CPEB1: variants seen among roughly 807,000 people sequenced by gnomAD.
The protein encoded by CPEB1 is cytoplasmic polyadenylation element-binding protein 1.
A neutral mutation model predicts 65.8 loss-of-function variants in CPEB1; 7 were observed. The ratio of observed to expected loss-of-function variants is 0.11; its 90% CI spans 0.06 to 0.20. The LOEUF is 0.20. CPEB1 is among the 10% of genes least tolerant of loss of function. CPEB1 has a pLI of 1.00. For missense variants in CPEB1, 551 were observed against 712.2 expected, an observed-to-expected ratio of 0.77 and a Z score of 2.58; for synonymous variants, 262 against 260.0, an observed-to-expected ratio of 1.01 and a Z score of -0.08.
At chr15:82,586,477 T>G (rs1328697799) in intron 3 of CPEB1, among the ~76,000 whole-genome samples, 2 of 152,236 alleles carry the variant, frequency 1.3e-5, no homozygotes, top group Non-Finnish European at 2.9e-5. Context: ...GCCTCTAGTT[T>G]TAAATGTTAT....
chr15:82,624,687 C>G (rs1029555775), intron 3 of CPEB1, among the ~76,000 whole-genome samples: 4 of 152,168 alleles, frequency 2.6e-5, no homozygotes, highest in African/African-American at 9.7e-5. Flanking sequence ...CTGGAAAGCT[C>G]CTCTCCCATC....
chr15:82,552,237 G>A (rs2036385469), intron 9 of CPEB1, among the ~76,000 whole-genome samples: 1 of 151,344 alleles, frequency 6.6e-6, no homozygotes, highest in African/African-American at 2.4e-5. Context: ...CAGACAGTTT[G>A]ATTACCATGG....
At chr15:82,557,587 G>T in intron 5 of CPEB1, 173 bp downstream of exon 5, 1 of 607,014 alleles carries the variant, frequency 1.6e-6, no homozygotes, top group Non-Finnish European at 2.9e-6. Flanking sequence ...CCTCTATCCT[G>T]TTAAGGATGA....
chr15:82,600,651 C>T (rs901160384), intron 3 of CPEB1, among the ~76,000 whole-genome samples: 5 of 152,042 alleles, frequency 3.3e-5, no homozygotes, highest in East Asian at 1.9e-4. Context: ...ATTTCTTAGA[C>T]GCTAGTAAGT....
chr15:82,640,343 C>T (rs1324026706), intron 1 of CPEB1, among the ~76,000 whole-genome samples: 1 of 152,014 alleles, frequency 6.6e-6, no homozygotes, highest in African/African-American at 2.4e-5. Flanking sequence ...CTTGTGCATG[C>T]CTTTTTATAC....
At chr15:82,557,718 C>A in intron 5 of CPEB1, 42 bp downstream of exon 5, 1 of 1,562,504 alleles carries the variant, frequency 6.4e-7, no homozygotes, top group Non-Finnish European at 8.8e-7. Context: ...CACACACAGG[C>A]AACTCCACCC....
At chr15:82,613,757 G>A (rs1395210791) in intron 3 of CPEB1, among the ~76,000 whole-genome samples, 1 of 152,156 alleles carries the variant, frequency 6.6e-6, no homozygotes, top group East Asian at 1.9e-4. Flanking sequence ...AAGGAGAAAT[G>A]CTAAGAAGTT....
chr15:82,552,496 C>T lies in CPEB1; in HGVS notation c.1265G>A (p.Arg422Lys). 1 of 1,589,332 alleles carries T rather than the reference C, an allele frequency of 6.3e-7. No homozygotes were observed. The highest frequency in any genetic ancestry group is 2.3e-5 in the East Asian group (1 of 44,124). Residue 422 changes from arginine to lysine, a missense_variant, in exon 9 of 13, where the codon AGG (arginine) becomes AAG (lysine). Arg to Lys is a conservative substitution (Grantham distance 26). This residue lies in a region of CPEB1 where 99 missense variants were observed against 161.3 expected (regional missense o/e 0.61). Transcript: ENST00000684509. Reference sequence around the variant, plus strand: ...CTAACTCACCTCCTTGCAGCGCATCCTTCGGCTGGACATCTTGAAATAATA... The same window carrying T: ...CTAACTCACCTCCTTGCAGCGCATCTTTCGGCTGGACATCTTGAAATAATA... ...SEYYFKMSSR[R>K]MRCKEVQVIP...
At chr15:82,642,129 A>C (rs1291843353) in intron 1 of CPEB1, among the ~76,000 whole-genome samples, 3 of 152,238 alleles carry the variant, frequency 2.0e-5, no homozygotes, top group Non-Finnish European at 4.4e-5. Flanking sequence ...TCAACATAAA[A>C]ACTTTCTACG....
intron 3 of CPEB1, among the ~76,000 whole-genome samples, chr15:82,610,958 CAAAAAAAAAAAAAAAAAA>C (rs60065545): frequency 2.0e-4 from 6 of 30,018 alleles, no homozygotes; most frequent in South Asian, 2.4e-3. Context: ...ACTCCAGTCT[CAAAAAAAAAAAAAAAAAA>C]AAAAAAAAAA....
At chr15:82,563,922 C>G (rs1006249255) in intron 4 of CPEB1, among the ~76,000 whole-genome samples, 44 of 152,036 alleles carry the variant, frequency 2.9e-4, no homozygotes, top group African/African-American at 9.6e-4. Context: ...AGAGGGAAAT[C>G]AAGCACAAGT....
chr15:82,610,958 C>CAAAAAAAAAAAAA lies in CPEB1; in HGVS notation c.271+16222_271+16234dup, dbSNP rs60065545. ...TGGGGACAGAGTGAGACTCCAGTCT[C>CAAAAAAAAAAAAA]AAAAAAAAAAAAAAAAAAAAAAAAA... On this transcript the variant is annotated intron_variant, in intron 3 of 12. Coordinates refer to ENST00000684509, the MANE Select transcript of CPEB1 (RefSeq NM_001365242.1). Among the ~76,000 whole-genome samples the CAAAAAAAAAAAAA allele has an allele frequency of 6.0e-4, 18 of 30,020 alleles. 3 individuals carry two copies. The highest frequency in any genetic ancestry group is 7.5e-4 in the Admixed American group (1 of 1,330). 19.7% of individuals were successfully genotyped at this position (30,020 alleles called of 152,430 possible).
rs190091008 is a variant in CPEB1, at chr15:82,557,630, C to G, written c.687+130G>C. 20 of 736,102 alleles carry G rather than the reference C, an allele frequency of 2.7e-5. No individual in the cohort carries two copies. The East Asian group carries it at 5.1e-4, about 19-fold the overall frequency. The allele number at this position is 736,102 out of a possible 1,614,324, so 45.6% of individuals were successfully genotyped here. On this transcript the variant is annotated intron_variant, in intron 5 of 12. Transcript: ENST00000684509. ...ACAAATGTCCACAATAATCTCCACT[C>G]CTCCCCTCATCCCATCTCCCAGCCT...
At chr15:82,573,528 C>T (rs2040318597) in intron 3 of CPEB1, among the ~76,000 whole-genome samples, 1 of 152,088 alleles carries the variant, frequency 6.6e-6, no homozygotes, top group Non-Finnish European at 1.5e-5. Context: ...TATCTATTCT[C>T]CCCTACACCA....
chr15:82,571,481 G>C lies in CPEB1; in HGVS notation c.323C>G (p.Ser108Cys), dbSNP rs537799390. The C allele has an allele frequency of 8.1e-6, 13 of 1,614,112 alleles. No homozygotes were observed. The Middle Eastern group carries it at 4.9e-4, about 61-fold the overall frequency. The change falls in exon 4 of 13, where the codon TCT (serine) becomes TGT (cysteine). Residue 108 changes from serine to cysteine, a missense_variant. Physicochemically the swap from Ser to Cys is moderately radical, Grantham distance 112. Transcript: ENST00000684509. Reference protein sequence around the residue: ...TVTSRMLFPTSAQESSRGLPD... With the variant: ...TVTSRMLFPTCAQESSRGLPD... ...GAGGCCACGGGAAGATTCTTGCGCA[G>C]AGGTTGGGAAAAGCATCCTGCTTGT... is the stretch of plus-strand genomic sequence containing the variant.
Position 82,549,498 on chromosome 15 carries a change from T to A in CPEB1, c.1442A>T (p.Tyr481Phe). The A allele has an allele frequency of 6.2e-7, 1 of 1,614,178 alleles. No homozygotes were observed. Among genetic ancestry groups the A allele is most frequent in the Non-Finnish European group, 8.5e-7 (1 of 1,180,042 alleles). ...GTGCTTATCTGTGTCAATCCCGGCA[T>A]ACACCACTCCACCAAATAGGTCGTT... ...ILNDLFGGVV[Y>F]AGIDTDKHKY... is the part of the protein sequence containing the mutation. Residue 481 changes from tyrosine (Y) to phenylalanine (F), a missense_variant, in exon 10 of 13, where the codon TAT (tyrosine) becomes TTT (phenylalanine). This residue lies in a region of CPEB1 where 98 missense variants were observed against 157.6 expected (regional missense o/e 0.62). Transcript: ENST00000684509.
chr15:82,627,809 G>C (rs1010013918), intron 2 of CPEB1, among the ~76,000 whole-genome samples: 1 of 152,160 alleles, frequency 6.6e-6, no homozygotes, highest in Admixed American at 6.5e-5. Context: ...TGGTTCAATT[G>C]ATATTTTGTT....
chr15:82,615,955 C>A (rs1228287147), intron 3 of CPEB1, among the ~76,000 whole-genome samples: 1 of 151,858 alleles, frequency 6.6e-6, no homozygotes, highest in African/African-American at 2.4e-5. Context: ...AAAAAATATA[C>A]ACCTAAACAT....
intron 3 of CPEB1, among the ~76,000 whole-genome samples, chr15:82,626,929 T>C (rs2045828450): frequency 6.6e-6 from 1 of 152,240 alleles, no homozygotes; most frequent in African/African-American, 2.4e-5. Context: ...TATATCTCTT[T>C]ATATAAATAC....
Sources: gnomAD v4.1 joint callset for allele counts (sites outside exome capture counted in the v4.1 genomes callset) on GRCh38, gnomAD v4.1.1 for gene constraint, gnomAD v4.1.1 regional missense constraint, MANE v1.5 for transcripts, NCBI Gene and HGNC (gene_info 2026-07-23, HGNC 2026-07-21) for gene names.